The following FANCD2OS variants were observed in gnomAD, a reference collection of about 807,000 sequenced individuals.
The protein encoded by FANCD2OS is FANCD2 opposite strand.
A neutral mutation model predicts 13.2 loss-of-function variants in FANCD2OS; 11 were observed. The observed-to-expected ratio is 0.83, with a 90% confidence interval of 0.52 to 1.38. The LOEUF (loss-of-function observed/expected upper bound fraction) is 1.38, where lower values mean the gene tolerates loss of function less well. Among genes scored for constraint, FANCD2OS ranks in the 40% most tolerant of loss-of-function variants. FANCD2OS has a pLI of 0.00. For synonymous variants in FANCD2OS, 69 were observed against 84.5 expected, an observed-to-expected ratio of 0.82 and a Z score of 1.01; for missense variants, 217 against 213.9, an observed-to-expected ratio of 1.01 and a Z score of -0.09.
chr3:10,106,349 G>A (rs1444151256), intron 1 of FANCD2OS, among the ~76,000 whole-genome samples: 1 of 152,152 alleles, frequency 6.6e-6, no homozygotes, highest in Non-Finnish European at 1.5e-5. Context: ...ATTTATGCAA[G>A]TAAAATTAGA....
intron 2 of FANCD2OS, among the ~76,000 whole-genome samples, chr3:10,097,375 C>A (rs530863190): frequency 6.6e-6 from 1 of 152,138 alleles, no homozygotes; most frequent in South Asian, 2.1e-4. Context: ...TCTGCAGTCT[C>A]GACCATAAGA....
chr3:10,102,694 T>C (rs539732262), downstream of FANCD2OS, among the ~76,000 whole-genome samples: 1 of 151,078 alleles, frequency 6.6e-6, no homozygotes, highest in East Asian at 2.0e-4. Flanking sequence ...ATACAAAAAA[T>C]TAGCTGGGCT....
downstream of FANCD2OS, chr3:10,099,150 A>G: frequency 1.4e-6 from 2 of 1,456,488 alleles, no homozygotes; most frequent in Non-Finnish European, 9.0e-7. Flanking sequence ...AGTGTTGAGA[A>G]GAATGAGTTA....
chr3:10,100,582 G>A (rs2125104540), downstream of FANCD2OS, among the ~76,000 whole-genome samples: 1 of 152,204 alleles, frequency 6.6e-6, no homozygotes, highest in South Asian at 2.1e-4. Flanking sequence ...ATGTTGGCCG[G>A]GCTGGTCTCG....
chr3:10,107,100 T>C (rs2125112399), intron 1 of FANCD2OS, among the ~76,000 whole-genome samples: 1 of 152,264 alleles, frequency 6.6e-6, no homozygotes, highest in East Asian at 1.9e-4. Flanking sequence ...CAGTTATCTA[T>C]TCCAAACACC....
At chr3:10,095,698 G>A (rs902822004) in intron 2 of FANCD2OS, among the ~76,000 whole-genome samples, 3 of 152,150 alleles carry the variant, frequency 2.0e-5, no homozygotes, top group Admixed American at 1.3e-4. Flanking sequence ...GAACATCTTA[G>A]CATTAAAGGA....
intron 2 of FANCD2OS, among the ~76,000 whole-genome samples, chr3:10,091,045 A>G (rs952387229): frequency 6.6e-6 from 1 of 151,874 alleles, no homozygotes; most frequent in Non-Finnish European, 1.5e-5. Flanking sequence ...GGGCTAGCAT[A>G]GGGAAGCAGA....
chr3:10,096,062 T>C (rs1015421427), intron 2 of FANCD2OS, among the ~76,000 whole-genome samples: 2 of 152,158 alleles, frequency 1.3e-5, no homozygotes, highest in African/African-American at 2.4e-5. Context: ...TTCAAGAATA[T>C]TTTAGGTAAA....
At chr3:10,082,863 C>T (rs1693929822) in intron 2 of FANCD2OS, among the ~76,000 whole-genome samples, 1 of 152,178 alleles carries the variant, frequency 6.6e-6, no homozygotes, top group South Asian at 2.1e-4. Flanking sequence ...TTTATATCCT[C>T]ATTACTTAAA....
At chr3:10,087,657 T>C (rs958755912) in intron 2 of FANCD2OS, among the ~76,000 whole-genome samples, 2 of 151,278 alleles carry the variant, frequency 1.3e-5, no homozygotes, top group Non-Finnish European at 3.0e-5. Context: ...GGCCTTTTTC[T>C]TTTTTTTTGA....
chr3:10,105,775 T>A lies in FANCD2OS; in HGVS notation c.-8-993A>T, dbSNP rs1695473513. ...AAAAAAAAAAAAAAAAAAAAAATTA[T>A]ATATATATATATATATATATATATA... On this transcript the variant is annotated intron_variant, in intron 1 of 1. Transcript: ENST00000450660. 1.6e-3 allele frequency among the ~76,000 whole-genome samples: 16 copies of A among 10,244 alleles called. 1 individual carries two copies. The highest frequency in any genetic ancestry group is 0.01 in the African/African-American group (16 of 1,600). The allele number at this position is 10,244 out of a possible 152,430, so 6.7% of individuals were successfully genotyped here.
intron 1 of FANCD2OS, among the ~76,000 whole-genome samples, chr3:10,105,182 A>C (rs181449447): frequency 6.6e-6 from 1 of 152,338 alleles, no homozygotes; most frequent in Non-Finnish European, 1.5e-5. Context: ...AAAGGGAAGT[A>C]GGGAATGATT....
At chr3:10,107,718 CGG>C (rs1382630768) in intron 1 of FANCD2OS, among the ~76,000 whole-genome samples, 1 of 151,998 alleles carries the variant, frequency 6.6e-6, no homozygotes, top group Non-Finnish European at 1.5e-5. Flanking sequence ...GAGGCCAAGG[CGG>C]GCCAATCACT....
intron 2 of FANCD2OS, chr3:10,086,992 C>A: frequency 2.2e-6 from 2 of 899,752 alleles, no homozygotes; most frequent in Non-Finnish European, 1.8e-6. Context: ...AAGAGGGTTG[C>A]TACTAAAGCA....
At chr3:10,084,349 T>TCAC (rs1694048072) in intron 2 of FANCD2OS, among the ~76,000 whole-genome samples, 2 of 149,998 alleles carry the variant, frequency 1.3e-5, no homozygotes, top group Non-Finnish European at 3.0e-5. Flanking sequence ...TGGAGTGTAG[T>TCAC]AACACAATCA....
chr3:10,087,485 T>G (rs956400901), intron 2 of FANCD2OS, among the ~76,000 whole-genome samples: 4 of 151,416 alleles, frequency 2.6e-5, no homozygotes, highest in Non-Finnish European at 5.9e-5. Context: ...GCTGAGTAGA[T>G]AGTTTTCTCT....
intron 2 of FANCD2OS, among the ~76,000 whole-genome samples, chr3:10,081,784 CTG>C (rs959611743): frequency 3.3e-5 from 5 of 152,098 alleles, no homozygotes; most frequent in African/African-American, 9.7e-5. Context: ...GAGCTGAACA[CTG>C]TGAGCTGGGC....
At position 10,104,021 on chromosome 3, in the gene FANCD2OS, TGGTTCAACC is replaced by T; in HGVS notation, c.*211_*219del. ...ATGTCAATGCTAGTTTGACTCTAAATGGTTCAACCTTACAATGGGAATGTTCTTCCTTGT... is the reference window on the plus strand; with the variant it reads ...ATGTCAATGCTAGTTTGACTCTAAATTTACAATGGGAATGTTCTTCCTTGT... On this transcript the variant is annotated 3_prime_UTR_variant, in exon 2 of 2. Coordinates refer to ENST00000450660, the MANE Select transcript of FANCD2OS (RefSeq NM_001164839.2). The T allele has an allele frequency of 1.8e-6, 1 of 549,372 alleles. No homozygotes were observed. Among genetic ancestry groups the T allele is most frequent in the East Asian group, 3.0e-5 (1 of 33,556 alleles). The allele number at this position is 549,372 out of a possible 1,614,324, so 34.0% of individuals were successfully genotyped here.
downstream of FANCD2OS, chr3:10,103,837 A>ATATATATAGATTTTT (rs1203885446): frequency 5.8e-5 from 10 of 171,696 alleles, no homozygotes; most frequent in Admixed American, 5.5e-4. Flanking sequence ...TCCTTGACCT[A>ATATATATAGATTTTT]TATATATAGA....
Sources: allele counts gnomAD v4.1 joint callset (sites outside exome capture counted in the v4.1 genomes callset), GRCh38; gene constraint gnomAD v4.1.1; transcripts MANE v1.5; gene names NCBI Gene and HGNC (gene_info 2026-07-23, HGNC 2026-07-21).